FMN1: variants seen among roughly 807,000 people sequenced by gnomAD.
FMN1 encodes the protein formin-1.
Under a neutral mutation model 132.4 loss-of-function variants are expected in FMN1, and 110 were observed. That is an observed-to-expected ratio of 0.83 (90% CI 0.71 to 0.97). The LOEUF is 0.97. Among genes scored for constraint, FMN1 ranks in the 50% least tolerant of loss-of-function variants. FMN1 has a pLI of 0.00. For synonymous variants in FMN1, 722 were observed against 651.7 expected (o/e 1.11, Z -1.64); for missense variants, 1,792 against 1,705.3 (o/e 1.05, Z -0.90).
At chr15:32,882,431 G>T (rs1183240529) in intron 16 of FMN1, among the ~76,000 whole-genome samples, 1 of 152,134 alleles carries the variant, frequency 6.6e-6, no homozygotes, top group Non-Finnish European at 1.5e-5. Context: ...TCATTAAATG[G>T]TAAGTGTTGT....
At chr15:32,957,910 G>A (rs1286593586) in intron 9 of FMN1, among the ~76,000 whole-genome samples, 1 of 152,082 alleles carries the variant, frequency 6.6e-6, no homozygotes, top group East Asian at 1.9e-4. Flanking sequence ...TTGAGCTCTG[G>A]TTCTTAATTT....
At chr15:33,014,356 A>G (rs1164857325) in intron 6 of FMN1, among the ~76,000 whole-genome samples, 2 of 152,150 alleles carry the variant, frequency 1.3e-5, no homozygotes, top group African/African-American at 4.8e-5. Flanking sequence ...AAGACCAAGG[A>G]TGTGTGTATT....
At chr15:32,811,096 A>G (rs529424024) in intron 17 of FMN1, 2 of 456,864 alleles carry the variant, frequency 4.4e-6, no homozygotes, top group African/African-American at 4.0e-5. Flanking sequence ...GCACGCTGAC[A>G]TCGGAAAGGG....
rs1044143390 is a variant in FMN1, at chr15:33,065,087, C to G, written c.2044-13G>C. 5.7e-6 allele frequency: 9 copies of G among 1,574,186 alleles called. No individual in the cohort carries two copies. In the African/African-American group the frequency reaches 8.1e-5, roughly 14 times the overall value. ...GGCTGTGGTCAGGCTGTTGAAAGAGCAGGCAAATAGTAAGTGGAATGTAGT... is the reference window on the plus strand; with the variant it reads ...GGCTGTGGTCAGGCTGTTGAAAGAGGAGGCAAATAGTAAGTGGAATGTAGT... On this transcript the variant is annotated splice_polypyrimidine_tract_variant and intron_variant, in intron 5 of 20. Coordinates refer to ENST00000616417, the MANE Select transcript of FMN1 (RefSeq NM_001277313.2).
At chr15:32,935,187 C>T (rs796569821) in intron 9 of FMN1, among the ~76,000 whole-genome samples, 4 of 152,318 alleles carry the variant, frequency 2.6e-5, no homozygotes, top group African/African-American at 9.6e-5. Flanking sequence ...TTCCAAAGTG[C>T]TGGGATTACA....
At chr15:32,934,336 C>T (rs72719333) in intron 9 of FMN1, among the ~76,000 whole-genome samples, 2,866 of 152,130 alleles carry the variant, frequency 0.019, 96 homozygotes, top group East Asian at 0.12. Flanking sequence ...TTTTTAATAT[C>T]TGGCAGACAT....
intron 19 of FMN1, among the ~76,000 whole-genome samples, chr15:32,778,545 G>A (rs544159860): frequency 6.6e-6 from 1 of 151,972 alleles, no homozygotes; most frequent in African/African-American, 2.4e-5. Flanking sequence ...CAATAAGCAC[G>A]TAAAAAGATG....
intron 18 of FMN1, among the ~76,000 whole-genome samples, chr15:32,803,643 C>A (rs574215813): frequency 2.2e-4 from 33 of 152,254 alleles, no homozygotes; most frequent in Non-Finnish European, 3.8e-4. Context: ...TCCCTACCTG[C>A]CCCTTGTTTA....
rs1308731894 is a variant in FMN1, at chr15:33,172,053, C to CA, written c.-132+8144dup. Among the ~76,000 whole-genome samples, 6 of 151,874 alleles carry CA rather than the reference C, an allele frequency of 4.0e-5. No homozygotes were observed. In the East Asian group the frequency reaches 7.8e-4, roughly 20 times the overall value. ...TGAAACCCCGTCTCTACTAAAAATA[C>CA]AAAAATTAGCCGGGCGTGGTGGCGG... On this transcript the variant is annotated intron_variant, in intron 3 of 20. Coordinates refer to ENST00000616417, the MANE Select transcript of FMN1 (RefSeq NM_001277313.2).
At chr15:33,073,571 G>A (rs1340095780) in intron 5 of FMN1, among the ~76,000 whole-genome samples, 1 of 152,146 alleles carries the variant, frequency 6.6e-6, no homozygotes, top group Non-Finnish European at 1.5e-5. Flanking sequence ...TTGAACAAGA[G>A]GGGAGAGCTG....
chr15:32,898,408 T>G (rs1237774142), intron 15 of FMN1, among the ~76,000 whole-genome samples: 2 of 152,244 alleles, frequency 1.3e-5, no homozygotes, highest in African/African-American at 4.8e-5. Context: ...ATTTTTCAAA[T>G]TCTACATCTT....
intron 16 of FMN1, among the ~76,000 whole-genome samples, chr15:32,884,178 G>C (rs347946): frequency 0.29 from 43,739 of 152,030 alleles, 6,905 homozygotes; most frequent in African/African-American, 0.42. Context: ...TAAAACACCA[G>C]AAATATATCA....
At chr15:32,947,082 G>C (rs1278516128) in intron 9 of FMN1, among the ~76,000 whole-genome samples, 2 of 152,060 alleles carry the variant, frequency 1.3e-5, no homozygotes, top group African/African-American at 4.8e-5. Context: ...TTCATTATTT[G>C]TTTTGTGCTT....
At position 32,969,404 on chromosome 15, in the gene FMN1, A is replaced by G. The variant is rs758593171; in HGVS notation, c.2297T>C (p.Ile766Thr). Residue 766 changes from isoleucine to threonine, a missense_variant, in exon 8 of 21, where the codon ATT becomes ACT. Around this residue, in one of 3 missense-constraint regions of FMN1, gnomAD observed 1,150 missense variants for 1,043.1 expected, o/e 1.10. Coordinates refer to ENST00000616417, the MANE Select transcript of FMN1 (RefSeq NM_001277313.2). ...AMITARLEET[I>T]ENLKHELEHR... The stretch of plus-strand genomic sequence containing the variant: ...TTCTAGCTCGTGTTTCAGATTTTCA[A>G]TGGTTTCTTCTAGTCTCGCTGTTAT... 4.3e-6 allele frequency: 7 copies of G among 1,613,794 alleles called. No homozygotes were observed. The highest frequency in any genetic ancestry group is 1.1e-5 in the South Asian group (1 of 91,076).
intron 5 of FMN1, among the ~76,000 whole-genome samples, chr15:33,065,679 A>AT (rs2037691743): frequency 6.6e-6 from 1 of 152,192 alleles, no homozygotes; most frequent in African/African-American, 2.4e-5. Flanking sequence ...AAAGACTTTC[A>AT]TTTTTAACAT....
At chr15:33,109,000 C>T (rs140638455) in intron 4 of FMN1, among the ~76,000 whole-genome samples, 2 of 152,036 alleles carry the variant, frequency 1.3e-5, no homozygotes, top group African/African-American at 4.8e-5. Context: ...CTAAAAATGT[C>T]CCCATGCCTA....
chr15:33,127,818 C>A (rs553494653), intron 4 of FMN1, among the ~76,000 whole-genome samples: 59 of 152,330 alleles, frequency 3.9e-4, no homozygotes, highest in Middle Eastern at 3.4e-3. Context: ...GATCTCATTC[C>A]TCAGTCTCCC....
intron 4 of FMN1, among the ~76,000 whole-genome samples, chr15:33,139,395 G>C (rs1963910990): frequency 6.6e-6 from 1 of 152,146 alleles, no homozygotes; most frequent in Admixed American, 6.5e-5. Flanking sequence ...AGGAGATCCA[G>C]ACTATCCAGG....
In FMN1 at chr15:33,059,123, A is replaced by G. The variant is rs140835635; in HGVS notation, c.2161+5834T>C. ...AGTTCAACTTTATTAGATTCCACAT[A>G]TAAGTAAGAGCATGCAACATTTGTC... On this transcript the variant is annotated intron_variant, in intron 6 of 20. Coordinates refer to ENST00000616417, the MANE Select transcript of FMN1 (RefSeq NM_001277313.2). Among the ~76,000 whole-genome samples, 103 of 152,312 alleles carry G rather than the reference A, an allele frequency of 6.8e-4. 1 individual carries two copies. The highest frequency in any genetic ancestry group is 2.4e-3 in the African/African-American group (99 of 41,572).
Sources: allele counts gnomAD v4.1 joint callset (sites outside exome capture counted in the v4.1 genomes callset), GRCh38; gene constraint gnomAD v4.1.1; regional missense constraint gnomAD v4.1.1; transcripts MANE v1.5; gene names NCBI Gene and HGNC (gene_info 2026-07-23, HGNC 2026-07-21).